The following FRMD6 variants were observed in gnomAD, a reference collection of about 807,000 sequenced individuals.
The protein encoded by FRMD6 is FERM domain-containing protein 6.
A neutral mutation model predicts 73.2 loss-of-function variants in FRMD6; 37 were observed. The observed-to-expected ratio is 0.51, with a 90% CI of 0.39 to 0.66. The LOEUF (loss-of-function observed/expected upper bound fraction) is 0.66. Among genes scored for constraint, FRMD6 ranks in the 30% least tolerant of loss-of-function variants. FRMD6 has a pLI of 0.00. For synonymous variants in FRMD6, 273 were observed against 282.2 expected, an observed-to-expected ratio of 0.97 and a Z score of 0.33; for missense variants, 714 against 780.5, an observed-to-expected ratio of 0.91 and a Z score of 1.02.
chr14:51,705,710 A>C (rs1896585445), intron 6 of FRMD6, among the ~76,000 whole-genome samples: 1 of 152,052 alleles, frequency 6.6e-6, no homozygotes, highest in Non-Finnish European at 1.5e-5. Flanking sequence ...AGTGTTCCTC[A>C]AGCCATTTCC....
chr14:51,639,126 T>A (rs1891707930), intron 2 of FRMD6, among the ~76,000 whole-genome samples: 1 of 152,136 alleles, frequency 6.6e-6, no homozygotes, highest in Non-Finnish European at 1.5e-5. Flanking sequence ...CTTTGTTTTT[T>A]AAAAAATTAT....
Position 51,704,906 on chromosome 14 carries a change from T to C in FRMD6, c.529T>C (p.Phe177Leu). ...FKRNKHYGKY[F>L]EPEAYFPSWV... is the part of the protein sequence containing the mutation. ...AAGGAATAAGCACTATGGAAAATAC[T>C]TCGAGCCAGAGGCTTACTTCCCATC... Residue 177 changes from phenylalanine (F) to leucine (L), a missense_variant, in exon 6 of 14, where the codon TTC (phenylalanine) becomes CTC (leucine). By Grantham distance (22) the Phe-to-Leu change is conservative. Coordinates refer to ENST00000344768, the MANE Select transcript of FRMD6 (RefSeq NM_001267046.2). The C allele has an allele frequency of 6.2e-7, 1 of 1,610,874 alleles. No homozygotes were observed. Among genetic ancestry groups the C allele is most frequent in the Non-Finnish European group, 8.5e-7 (1 of 1,177,766 alleles).
intron 1 of FRMD6, among the ~76,000 whole-genome samples, chr14:51,565,879 C>A (rs1373029957): frequency 6.6e-6 from 1 of 152,122 alleles, no homozygotes; most frequent in Admixed American, 6.5e-5. Context: ...AAAGTCAAGA[C>A]AGTGGCCGGG....
the FRMD6 span, among the ~76,000 whole-genome samples, chr14:51,427,040 T>G: frequency 6.6e-6 from 1 of 152,216 alleles, no homozygotes; most frequent in Non-Finnish European, 1.5e-5. Flanking sequence ...CCTCATCAGA[T>G]ATGAGAGTCT....
chr14:51,465,386 C>T, the FRMD6 span, among the ~76,000 whole-genome samples: 1 of 152,152 alleles, frequency 6.6e-6, no homozygotes, highest in African/African-American at 2.4e-5. Flanking sequence ...AGGAAGTGTA[C>T]ATTTCTATCA....
the FRMD6 span, among the ~76,000 whole-genome samples, chr14:51,479,717 G>A: frequency 6.6e-6 from 1 of 152,180 alleles, no homozygotes; most frequent in African/African-American, 2.4e-5. Context: ...GCTGGCTGCT[G>A]CAACAGTAGG....
At chr14:51,505,457 G>A (rs1883904224) in intron 1 of FRMD6, among the ~76,000 whole-genome samples, 1 of 152,132 alleles carries the variant, frequency 6.6e-6, no homozygotes, top group Non-Finnish European at 1.5e-5. Flanking sequence ...TCACATGTCA[G>A]GGACAAGGAC....
the FRMD6 span, among the ~76,000 whole-genome samples, chr14:51,464,853 A>C: frequency 6.6e-6 from 1 of 152,148 alleles, no homozygotes; most frequent in African/African-American, 2.4e-5. Context: ...AGGGGGCTGG[A>C]GGGTTGCTCT....
chr14:51,727,738 C>T lies in FRMD6; in HGVS notation c.1585-7C>T, dbSNP rs1308936139. 1 of 1,587,424 alleles carries T rather than the reference C, an allele frequency of 6.3e-7. No homozygotes were observed. The highest frequency in any genetic ancestry group is 8.6e-7 in the Non-Finnish European group (1 of 1,159,780). On this transcript the variant is annotated splice_polypyrimidine_tract_variant and splice_region_variant and intron_variant, in intron 13 of 13. Transcript: ENST00000344768. ...TAAAGTTGTTTCATCCTTCCCTTAT[C>T]TTGCAGACTATATGTCGGAAACCAA...
chr14:51,539,737 T>C (rs904500427), intron 1 of FRMD6, among the ~76,000 whole-genome samples: 1 of 152,174 alleles, frequency 6.6e-6, no homozygotes, highest in Non-Finnish European at 1.5e-5. Flanking sequence ...TCTTGCCTTG[T>C]GGTGGGAAAC....
the FRMD6 span, among the ~76,000 whole-genome samples, chr14:51,431,927 A>G: frequency 1.3e-5 from 2 of 152,216 alleles, no homozygotes; most frequent in Non-Finnish European, 2.9e-5. Context: ...CAAGGGTACC[A>G]TTGAGCTGTG....
chr14:51,445,664 T>C, the FRMD6 span, among the ~76,000 whole-genome samples: 1 of 152,102 alleles, frequency 6.6e-6, no homozygotes, highest in African/African-American at 2.4e-5. Context: ...TCAAATGTAA[T>C]AGGGAAAAAG....
chr14:51,689,785 A>C lies in FRMD6; in HGVS notation c.-52A>C. Reference sequence around the variant, plus strand: ...GCTTTGGAGTGCTGGGAACCTGAGGAATTGCCAAGGACCCAGAGCCCAGCC... The same window carrying C: ...GCTTTGGAGTGCTGGGAACCTGAGGCATTGCCAAGGACCCAGAGCCCAGCC... On this transcript the variant is annotated 5_prime_UTR_variant, in exon 2 of 14. Transcript: ENST00000344768. 9.6e-7 allele frequency: 1 copy of C among 1,046,450 alleles called. No homozygotes were observed. Among genetic ancestry groups the C allele is most frequent in the Admixed American group, 1.7e-5 (1 of 59,272 alleles). 64.8% of individuals were successfully genotyped at this position (1,046,450 alleles called of 1,614,324 possible).
chr14:51,708,274 AC>A (rs1414471650), intron 7 of FRMD6, 41 bp downstream of exon 7: 1 of 1,578,674 alleles, frequency 6.3e-7, no homozygotes, highest in South Asian at 1.1e-5. Context: ...TGAGAAAAAA[AC>A]ATCTTCTCAA....
intron 1 of FRMD6, among the ~76,000 whole-genome samples, chr14:51,531,560 A>C (rs1246728188): frequency 1.3e-5 from 2 of 152,232 alleles, no homozygotes; most frequent in Non-Finnish European, 2.9e-5. Flanking sequence ...ATTAGTTTTG[A>C]TCATTATCAC....
At chr14:51,436,989 C>A in the FRMD6 span, 1 of 830,714 alleles carries the variant, frequency 1.2e-6, no homozygotes, top group East Asian at 3.4e-5. Context: ...TTCCAACCTT[C>A]TTTTTTAAAT....
intron 2 of FRMD6, among the ~76,000 whole-genome samples, chr14:51,583,366 A>G (rs891279544): frequency 3.9e-5 from 6 of 152,222 alleles, no homozygotes; most frequent in Non-Finnish European, 8.8e-5. Context: ...CCTTGCCAGG[A>G]CACAAAGTCA....
At chr14:51,466,215 T>A in the FRMD6 span, among the ~76,000 whole-genome samples, 1 of 152,246 alleles carries the variant, frequency 6.6e-6, no homozygotes, top group Non-Finnish European at 1.5e-5. Context: ...TTCTTGCATT[T>A]ACATTTATTA....
upstream of FRMD6, among the ~76,000 whole-genome samples, chr14:51,485,198 G>T (rs143903152): frequency 1.5e-3 from 229 of 152,280 alleles, 6 homozygotes; most frequent in East Asian, 0.036. Context: ...AGCCCGTGTG[G>T]GATGGGGATG....
Sources: allele counts gnomAD v4.1 joint callset (sites outside exome capture counted in the v4.1 genomes callset), GRCh38; gene constraint gnomAD v4.1.1; transcripts MANE v1.5; gene names NCBI Gene and HGNC (gene_info 2026-07-23, HGNC 2026-07-21).